The following GALNT2 variants were observed in gnomAD, a reference collection of about 807,000 sequenced individuals.
The protein encoded by GALNT2 is polypeptide N-acetylgalactosaminyltransferase 2.
GALNT2 carries 31 observed loss-of-function variants against 81.4 expected under a neutral mutation model. The ratio of observed to expected loss-of-function variants is 0.38; its 90% CI spans 0.29 to 0.51. The LOEUF (loss-of-function observed/expected upper bound fraction) is 0.51. GALNT2 is among the 20% of genes least tolerant of loss of function. GALNT2 has a pLI of 0.87. For missense variants in GALNT2, 629 were observed against 765.7 expected, an observed-to-expected ratio of 0.82 and a Z score of 2.11; for synonymous variants, 303 against 287.4, an observed-to-expected ratio of 1.05 and a Z score of -0.55.
chr1:230,108,562 G>C (rs1186479599), intron 1 of GALNT2, among the ~76,000 whole-genome samples: 2 of 152,194 alleles, frequency 1.3e-5, no homozygotes, highest in African/African-American at 4.8e-5. Context: ...ATGTTCCTCA[G>C]CTTATGATGG....
At chr1:230,172,040 A>T (rs1662810544) in intron 1 of GALNT2, among the ~76,000 whole-genome samples, 1 of 151,984 alleles carries the variant, frequency 6.6e-6, no homozygotes, top group Middle Eastern at 3.4e-3. Context: ...AATTTTTTTT[A>T]TTATCCTCCT....
chr1:230,264,476 C>T (rs1665973339), intron 13 of GALNT2: 1 of 152,314 alleles, frequency 6.6e-6, no homozygotes, highest in South Asian at 2.1e-4. Flanking sequence ...AAGACCACAT[C>T]TGAGGCACTG....
intron 1 of GALNT2, among the ~76,000 whole-genome samples, chr1:230,141,374 C>G (rs59092558): frequency 0.23 from 34,214 of 152,040 alleles, 4,044 homozygotes; most frequent in African/African-American, 0.31. Context: ...ATTTACAGCT[C>G]AGTATCCTCA....
At chr1:230,192,045 C>T (rs1041422958) in intron 2 of GALNT2, among the ~76,000 whole-genome samples, 2 of 152,376 alleles carry the variant, frequency 1.3e-5, no homozygotes, top group African/African-American at 4.8e-5. Flanking sequence ...AACACCTGCT[C>T]TCAAAGTCAG....
chr1:230,193,369 C>A lies in GALNT2; in HGVS notation c.221-9768C>A, dbSNP rs1448421146. Among the ~76,000 whole-genome samples, 5 of 152,152 alleles carry A rather than the reference C, an allele frequency of 3.3e-5. No individual in the cohort carries two copies. On this transcript the variant is annotated intron_variant, in intron 2 of 15. Transcript: ENST00000366672. This position sits in a 1 kb window ranked among gnomAD's most constrained non-coding sequence, Gnocchi z 4.3. ...GCGGGTGGTAGATGACAGCTCTTTG[C>A]CCAAGAGCATATGTCCTGATCTGCT...
rs1429855315 is a variant in GALNT2, at chr1:230,279,502, G to A, written c.*44G>A. ...GCCGTCCTGTCTCCTGCACCATTGG[G>A]TGGAGTCTGGTGATCACATTATTGA... On this transcript the variant is annotated 3_prime_UTR_variant, in exon 16 of 16. Transcript: ENST00000366672. The surrounding 1 kb of genome is among the most constrained non-coding windows in gnomAD (Gnocchi z 4.6). The A allele has an allele frequency of 1.9e-6, 3 of 1,586,802 alleles. No individual in the cohort carries two copies. Among genetic ancestry groups the A allele is most frequent in the African/African-American group, 1.3e-5 (1 of 74,140 alleles).
chr1:230,182,356 G>A (rs1663188004), intron 2 of GALNT2, among the ~76,000 whole-genome samples: 1 of 151,936 alleles, frequency 6.6e-6, no homozygotes, highest in Non-Finnish European at 1.5e-5. Flanking sequence ...TCTAATGTAT[G>A]CACTCAGTAC....
intron 1 of GALNT2, among the ~76,000 whole-genome samples, chr1:230,146,713 G>A (rs1040825307): frequency 1.3e-5 from 2 of 152,216 alleles, no homozygotes; most frequent in African/African-American, 4.8e-5. Context: ...GATGGCCCAG[G>A]TTGCAGGGGG....
At chr1:230,216,164 T>A (rs567461666) in intron 3 of GALNT2, among the ~76,000 whole-genome samples, 1 of 152,348 alleles carries the variant, frequency 6.6e-6, no homozygotes, top group Admixed American at 6.5e-5. Context: ...CTACTTCAAC[T>A]ATCCATTTAA....
chr1:230,072,371 C>CGGGG (rs113379046), intron 1 of GALNT2, among the ~76,000 whole-genome samples: 176 of 55,370 alleles, frequency 3.2e-3, no homozygotes, highest in African/African-American at 8.2e-3. Flanking sequence ...GCGGGGGTGG[C>CGGGG]GGGGGGTGCG....
At chr1:230,250,692 A>G (rs1167219129) in intron 10 of GALNT2, 132 bp downstream of exon 10, 8 of 598,494 alleles carry the variant, frequency 1.3e-5, no homozygotes, top group Non-Finnish European at 1.8e-5. Flanking sequence ...TTGCAAACAC[A>G]TATGTAACAC....
intron 4 of GALNT2, 38 bp from the exon 5 acceptor site, chr1:230,236,315 A>G (rs3811486): frequency 0.11 from 181,427 of 1,595,600 alleles, 10,674 homozygotes; most frequent in South Asian, 0.12. Flanking sequence ...TTATACCCCT[A>G]AAAGACCTAT....
chr1:230,106,874 G>A (rs569627850), intron 1 of GALNT2, among the ~76,000 whole-genome samples: 2 of 152,276 alleles, frequency 1.3e-5, no homozygotes, highest in Non-Finnish European at 1.5e-5. Flanking sequence ...TATATGCACC[G>A]TGTCATTAAA....
At chr1:230,103,943 G>C (rs1464420680) in intron 1 of GALNT2, among the ~76,000 whole-genome samples, 2 of 152,164 alleles carry the variant, frequency 1.3e-5, no homozygotes, top group Non-Finnish European at 2.9e-5. Context: ...CAGAGCGACT[G>C]TTTCCTTCTT....
chr1:230,129,097 A>T (rs1398432444), intron 1 of GALNT2, among the ~76,000 whole-genome samples: 4 of 152,204 alleles, frequency 2.6e-5, no homozygotes, highest in Non-Finnish European at 5.9e-5. Flanking sequence ...GCTCTCTCAT[A>T]ATTTTATGAT....
rs117048613 is a variant in GALNT2, at chr1:230,074,892, A to G, written c.126+7486A>G. Among the ~76,000 whole-genome samples, 10 of 152,266 alleles carry G rather than the reference A, an allele frequency of 6.6e-5. No homozygotes were observed. The East Asian group carries it at 1.7e-3, about 26-fold the overall frequency. ...CAGACCCAGGGTTGTCTGGTGGAAG[A>G]GATCTCCTCAGGGCCTCTGGAGGCA... On this transcript the variant is annotated intron_variant, in intron 1 of 15. Transcript: ENST00000366672.
rs1402653804 is a variant in GALNT2 at position 230,250,452 on chromosome 1, T to C, written c.906-5T>C. ...CCCTCCCCCCTCTTCTTTCTGCCTC[T>C]TTAGAACCCCCATGATTGCTGGTGG... On this transcript the variant is annotated splice_region_variant and splice_polypyrimidine_tract_variant and intron_variant, in intron 9 of 15. Coordinates refer to ENST00000366672, the MANE Select transcript of GALNT2 (RefSeq NM_004481.5). The C allele has an allele frequency of 6.2e-7, 1 of 1,612,834 alleles. No individual in the cohort carries two copies. Among genetic ancestry groups the C allele is most frequent in the African/African-American group, 1.3e-5 (1 of 75,000 alleles).
At chr1:230,095,461 G>A (rs1324249239) in intron 1 of GALNT2, among the ~76,000 whole-genome samples, 1 of 152,174 alleles carries the variant, frequency 6.6e-6, no homozygotes, top group Non-Finnish European at 1.5e-5. Context: ...ACCCCTGCGG[G>A]CTCCTCAGCC....
chr1:230,139,152 T>C (rs1306987580), intron 1 of GALNT2, among the ~76,000 whole-genome samples: 2 of 152,214 alleles, frequency 1.3e-5, no homozygotes, highest in Admixed American at 1.3e-4. Flanking sequence ...CTGTTGACCA[T>C]TGACAGCCAC....
Sources: gnomAD v4.1 joint callset for allele counts (sites outside exome capture counted in the v4.1 genomes callset) on GRCh38, gnomAD v4.1.1 for gene constraint, Gnocchi (gnomAD v3.1) non-coding constraint, MANE v1.5 for transcripts, NCBI Gene and HGNC (gene_info 2026-07-23, HGNC 2026-07-21) for gene names.